Variants in DLG2 observed in about 807,000 individuals in gnomAD.
The protein encoded by DLG2 is disks large homolog 2.
A neutral mutation model predicts 132.5 loss-of-function variants in DLG2; 45 were observed. The observed-to-expected ratio is 0.34, with a 90% CI of 0.27 to 0.44. DLG2 has a LOEUF of 0.44. DLG2 is among the 20% of genes least tolerant of loss of function. DLG2 has a pLI of 1.00. For synonymous variants in DLG2, 424 were observed against 419.6 expected (o/e 1.01, Z -0.13); for missense variants, 1,045 against 1,196.9 (o/e 0.87, Z 1.87).
chr11:84,560,236 A>C (rs1279685095), intron 6 of DLG2, among the ~76,000 whole-genome samples: 1 of 152,150 alleles, frequency 6.6e-6, no homozygotes, highest in African/African-American at 2.4e-5. Flanking sequence ...CAAATGAAGC[A>C]ACTTAAGTCA....
intron 6 of DLG2, among the ~76,000 whole-genome samples, chr11:84,909,516 AAATAAAAATTAAG>A (rs2091872393): frequency 6.6e-6 from 1 of 152,222 alleles, no homozygotes; most frequent in South Asian, 2.1e-4. Context: ...TGATTAAAAT[AAATAAAAATTAAG>A]AAATTTCTAG....
chr11:84,272,384 A>T, intron 7 of DLG2: 1 of 380,290 alleles, frequency 2.6e-6, no homozygotes, highest in South Asian at 1.9e-5. Context: ...TTTAGCAGAG[A>T]TTATTTTTTA....
rs1483095997 is a variant in DLG2 at position 84,134,443 on chromosome 11, T to C, written c.624+29018A>G. Among the ~76,000 whole-genome samples the C allele has an allele frequency of 2.6e-5, 4 of 152,088 alleles. 1 individual carries two copies. The highest frequency in any genetic ancestry group is 1.5e-5 in the Non-Finnish European group (1 of 67,992). On this transcript the variant is annotated intron_variant, in intron 9 of 27. Transcript: ENST00000376104. ...TCTACTGGAACTCAGTGGATGGGTATAGTCAGCATGTTATTTCAGGGCTTG... is the reference window on the plus strand; with the variant it reads ...TCTACTGGAACTCAGTGGATGGGTACAGTCAGCATGTTATTTCAGGGCTTG...
intron 3 of DLG2, among the ~76,000 whole-genome samples, chr11:85,476,407 C>A (rs1406665955): frequency 6.6e-6 from 1 of 152,036 alleles, no homozygotes; most frequent in South Asian, 2.1e-4. Context: ...ACACTGTACA[C>A]TTACGCTACA....
At chr11:85,425,285 AT>A (rs1246307237) in intron 3 of DLG2, among the ~76,000 whole-genome samples, 5 of 152,354 alleles carry the variant, frequency 3.3e-5, no homozygotes, top group Non-Finnish European at 5.9e-5. Context: ...GATGAAAAAC[AT>A]TTGCTCTATA....
chr11:83,718,373 C>T (rs1441735325), intron 18 of DLG2, among the ~76,000 whole-genome samples: 2 of 151,800 alleles, frequency 1.3e-5, no homozygotes, highest in African/African-American at 4.8e-5. Context: ...TCTGTCTCTA[C>T]TAAAAATACC....
chr11:84,424,463 G>T (rs1332585778), intron 7 of DLG2, among the ~76,000 whole-genome samples: 1 of 151,752 alleles, frequency 6.6e-6, no homozygotes, highest in Non-Finnish European at 1.5e-5. Flanking sequence ...AAAAACTTAG[G>T]TAATACCTGT....
intron 3 of DLG2, among the ~76,000 whole-genome samples, chr11:85,592,029 GCAA>G (rs967093456): frequency 2.0e-5 from 3 of 152,056 alleles, no homozygotes; most frequent in Admixed American, 6.5e-5. Flanking sequence ...ACCTTCTCTA[GCAA>G]CAACAATGTA....
At chr11:83,846,523 C>G (rs1221834930) in intron 16 of DLG2, among the ~76,000 whole-genome samples, 1 of 152,188 alleles carries the variant, frequency 6.6e-6, no homozygotes, top group Non-Finnish European at 1.5e-5. Flanking sequence ...TCTAAAGACA[C>G]TTCTGCTGCA....
intron 20 of DLG2, among the ~76,000 whole-genome samples, chr11:83,536,885 TA>T (rs2095892060): frequency 6.6e-6 from 1 of 152,162 alleles, no homozygotes; most frequent in African/African-American, 2.4e-5. Context: ...ACTTTCCCGG[TA>T]AGAATCTAGG....
chr11:85,198,047 G>A (rs1289057908), intron 4 of DLG2, among the ~76,000 whole-genome samples: 2 of 152,038 alleles, frequency 1.3e-5, no homozygotes, highest in Admixed American at 6.6e-5. Context: ...CATTCTTCCT[G>A]TCGGGACCAA....
intron 18 of DLG2, among the ~76,000 whole-genome samples, chr11:83,757,202 G>A (rs560995655): frequency 2.6e-5 from 4 of 152,262 alleles, no homozygotes; most frequent in Admixed American, 6.5e-5. Flanking sequence ...ACTTTCCCAA[G>A]GTCAGCAGAG....
chr11:84,773,059 A>G (rs144399269), intron 6 of DLG2, among the ~76,000 whole-genome samples: 8 of 152,278 alleles, frequency 5.3e-5, no homozygotes, highest in African/African-American at 1.9e-4. Context: ...ATAAAAAAGA[A>G]AAAGAGTGAA....
intron 18 of DLG2, chr11:83,725,266 G>T (rs1250290778): frequency 4.7e-6 from 1 of 211,518 alleles, no homozygotes; most frequent in Non-Finnish European, 9.5e-6. Context: ...ACGCCAGGAA[G>T]AATTCTTATC....
chr11:83,607,043 ACT>A (rs1314879002), intron 19 of DLG2, among the ~76,000 whole-genome samples: 1 of 152,264 alleles, frequency 6.6e-6, no homozygotes, highest in Non-Finnish European at 1.5e-5. Context: ...GGGCTCAGAG[ACT>A]CTAGCGCAGC....
At position 83,532,224 on chromosome 11, in the gene DLG2, G is replaced by A. The variant is rs1273519237; in HGVS notation, c.2193+484C>T. ...GTGAGTAAATATTCTAATTTTGATGGCTAAATTTTAGTCATTAATTCTCTT... is the reference window on the plus strand; with the variant it reads ...GTGAGTAAATATTCTAATTTTGATGACTAAATTTTAGTCATTAATTCTCTT... On this transcript the variant is annotated intron_variant, in intron 21 of 27. Transcript: ENST00000376104. 2.6e-5 allele frequency among the ~76,000 whole-genome samples: 4 copies of A among 151,936 alleles called. No individual in the cohort carries two copies. The East Asian group carries it at 5.8e-4, about 22-fold the overall frequency.
intron 5 of DLG2, among the ~76,000 whole-genome samples, chr11:85,154,301 CTG>C (rs959228190): frequency 6.6e-6 from 1 of 152,140 alleles, no homozygotes; most frequent in African/African-American, 2.4e-5. Flanking sequence ...TACAAAATGA[CTG>C]TGTGATAACC....
intron 2 of DLG2, among the ~76,000 whole-genome samples, chr11:85,617,022 AG>A (rs1001328897): frequency 6.6e-6 from 1 of 152,214 alleles, no homozygotes; most frequent in African/African-American, 2.4e-5. Context: ...CCTTAACCCC[AG>A]GGAAGTGGGG....
chr11:84,345,651 TA>T (rs2154408337), intron 7 of DLG2, among the ~76,000 whole-genome samples: 1 of 152,304 alleles, frequency 6.6e-6, no homozygotes, highest in South Asian at 2.1e-4. Context: ...TCTTTTTTTT[TA>T]ACCTGAGGTT....
Sources: allele counts gnomAD v4.1 joint callset (sites outside exome capture counted in the v4.1 genomes callset), GRCh38; gene constraint gnomAD v4.1.1; transcripts MANE v1.5; gene names NCBI Gene and HGNC (gene_info 2026-07-23, HGNC 2026-07-21).